The following PRKG1 variants were observed in gnomAD, a reference collection of about 807,000 sequenced individuals.
The protein encoded by PRKG1 is cGMP-dependent protein kinase 1.
In PRKG1, 35 loss-of-function variants were observed where a neutral mutation model predicts 88.1. That is an observed-to-expected ratio of 0.40 (90% confidence interval 0.30 to 0.53). PRKG1 has a LOEUF of 0.53. Among genes scored for constraint, PRKG1 ranks in the 20% least tolerant of loss-of-function variants. The pLI, the probability that PRKG1 is intolerant of heterozygous loss-of-function variation, is 0.59. For missense variants in PRKG1, 540 were observed against 839.8 expected (o/e 0.64, Z 4.41); for synonymous variants, 303 against 292.5 (o/e 1.04, Z -0.37).
At chr10:51,580,459 T>C (rs1388145389) in intron 3 of PRKG1, among the ~76,000 whole-genome samples, 2 of 152,178 alleles carry the variant, frequency 1.3e-5, no homozygotes, top group Non-Finnish European at 2.9e-5. Flanking sequence ...ATGGTACCAC[T>C]TTGTACTTTT....
chr10:51,792,867 T>A (rs1838903929), intron 3 of PRKG1, among the ~76,000 whole-genome samples: 1 of 152,074 alleles, frequency 6.6e-6, no homozygotes, highest in Admixed American at 6.6e-5. Context: ...TTAAAATGCT[T>A]ATTCAGCTTT....
At chr10:52,273,349 C>G (rs1217864347) in intron 12 of PRKG1, among the ~76,000 whole-genome samples, 1 of 152,000 alleles carries the variant, frequency 6.6e-6, no homozygotes, top group Non-Finnish European at 1.5e-5. Context: ...TGAACACTCA[C>G]ATTTAGACAT....
chr10:51,761,904 TA>T (rs1838031192), intron 3 of PRKG1, among the ~76,000 whole-genome samples: 1 of 152,204 alleles, frequency 6.6e-6, no homozygotes, highest in South Asian at 2.1e-4. Flanking sequence ...ATTATGTTTT[TA>T]AAAAAGATTT....
chr10:51,652,216 AG>A (rs1840056402), intron 3 of PRKG1, among the ~76,000 whole-genome samples: 2 of 152,128 alleles, frequency 1.3e-5, no homozygotes. Context: ...CTCCTTTGAT[AG>A]TTAACGAAAG....
chr10:51,321,133 T>G (rs1316286241), intron 2 of PRKG1, among the ~76,000 whole-genome samples: 1 of 152,160 alleles, frequency 6.6e-6, no homozygotes, highest in Non-Finnish European at 1.5e-5. Context: ...TTTCCACAAA[T>G]GATTCAATGG....
chr10:52,130,096 C>T (rs552641485), intron 7 of PRKG1, among the ~76,000 whole-genome samples: 18 of 152,130 alleles, frequency 1.2e-4, no homozygotes, highest in Non-Finnish European at 2.1e-4. Flanking sequence ...ATGTTGTTCC[C>T]GACATGTACT....
intron 2 of PRKG1, among the ~76,000 whole-genome samples, chr10:51,293,305 A>T (rs1185194399): frequency 1.3e-5 from 2 of 152,148 alleles, no homozygotes; most frequent in African/African-American, 4.8e-5. Flanking sequence ...CTATAATTAC[A>T]TTAGCTATCC....
intron 2 of PRKG1, among the ~76,000 whole-genome samples, chr10:51,436,393 C>A (rs1455089598): frequency 6.6e-6 from 1 of 151,868 alleles, no homozygotes; most frequent in East Asian, 1.9e-4. Flanking sequence ...ACTGATGCTG[C>A]AGTTTTTTCT....
At chr10:51,182,729 A>G (rs1057123187) in intron 2 of PRKG1, among the ~76,000 whole-genome samples, 2 of 152,198 alleles carry the variant, frequency 1.3e-5, no homozygotes, top group African/African-American at 4.8e-5. Flanking sequence ...AAGATCCAGC[A>G]AGGCTGTCAG....
intron 2 of PRKG1, among the ~76,000 whole-genome samples, chr10:51,192,675 G>C (rs1303787420): frequency 6.6e-6 from 1 of 151,874 alleles, no homozygotes; most frequent in African/African-American, 2.4e-5. Context: ...TCTTAAAAAG[G>C]AAATGTTTAT....
chr10:51,754,364 A>G (rs1225946428), intron 3 of PRKG1, among the ~76,000 whole-genome samples: 3 of 152,190 alleles, frequency 2.0e-5, no homozygotes, highest in African/African-American at 7.2e-5. Flanking sequence ...CAAGGAGTCA[A>G]TTAACTTCTG....
chr10:51,249,638 GA>G (rs199807666), intron 2 of PRKG1, among the ~76,000 whole-genome samples: 1 of 139,648 alleles, frequency 7.2e-6, no homozygotes, highest in Admixed American at 6.8e-5. Context: ...GAACATAAAT[GA>G]AAAAAATGAC....
chr10:51,510,446 G>A (rs1046261276), intron 3 of PRKG1, among the ~76,000 whole-genome samples: 2 of 152,042 alleles, frequency 1.3e-5, no homozygotes, highest in African/African-American at 4.8e-5. Context: ...ATGAAATGTT[G>A]CTTTCTCAGC....
intron 7 of PRKG1, among the ~76,000 whole-genome samples, chr10:52,080,823 A>T (rs1384465762): frequency 6.6e-6 from 1 of 152,190 alleles, no homozygotes; most frequent in East Asian, 1.9e-4. Context: ...CTGGTGATAT[A>T]ATAGATGCTG....
At chr10:51,357,082 A>T (rs1413753143) in intron 2 of PRKG1, among the ~76,000 whole-genome samples, 1 of 151,968 alleles carries the variant, frequency 6.6e-6, no homozygotes, top group Non-Finnish European at 1.5e-5. Flanking sequence ...AGCTAGATAA[A>T]TATTTTCTGA....
intron 4 of PRKG1, among the ~76,000 whole-genome samples, chr10:51,818,832 C>T (rs1242974506): frequency 7.6e-6 from 1 of 131,480 alleles, no homozygotes; most frequent in Non-Finnish European, 1.5e-5. Context: ...ACAGTGAAAC[C>T]CCGTCTCTAC....
intron 3 of PRKG1, among the ~76,000 whole-genome samples, chr10:51,687,693 C>T (rs1841028487): frequency 6.6e-6 from 1 of 152,112 alleles, no homozygotes; most frequent in African/African-American, 2.4e-5. Context: ...GGCATTCATT[C>T]CAGAGAGTCA....
At chr10:52,259,850 G>C (rs1040965876) in intron 10 of PRKG1, among the ~76,000 whole-genome samples, 2 of 152,016 alleles carry the variant, frequency 1.3e-5, no homozygotes, top group East Asian at 1.9e-4. Flanking sequence ...AACTGGCATA[G>C]GCAAAATCCA....
intron 2 of PRKG1, among the ~76,000 whole-genome samples, chr10:51,240,833 G>A (rs977049075): frequency 6.6e-6 from 1 of 152,164 alleles, no homozygotes; most frequent in African/African-American, 2.4e-5. Flanking sequence ...ACCTCTTAGG[G>A]ATCTAAGGAA....
Sources: gnomAD v4.1 joint callset for allele counts (sites outside exome capture counted in the v4.1 genomes callset) on GRCh38, gnomAD v4.1.1 for gene constraint, MANE v1.5 for transcripts, NCBI Gene and HGNC (gene_info 2026-07-23, HGNC 2026-07-21) for gene names.